CLIP2: variants seen among roughly 807,000 people sequenced by gnomAD.
The protein encoded by CLIP2 is CAP-Gly domain-containing linker protein 2.
CLIP2 carries 41 observed loss-of-function variants against 111.7 expected under a neutral mutation model. The observed-to-expected ratio is 0.37, with a 90% CI of 0.29 to 0.48. The LOEUF is 0.48. CLIP2 is among the 20% of genes least tolerant of loss of function. CLIP2 has a pLI of 0.99. For synonymous variants in CLIP2, 660 were observed against 644.2 expected (o/e 1.02, Z -0.37); for missense variants, 1,160 against 1,422.1 (o/e 0.82, Z 2.96).
At chr7:74,366,330 T>C (rs547632924) in intron 8 of CLIP2, among the ~76,000 whole-genome samples, 2 of 152,224 alleles carry the variant, frequency 1.3e-5, no homozygotes, top group Non-Finnish European at 2.9e-5. Flanking sequence ...AAGGGCTCAG[T>C]CCCAGGTCCG....
At position 74,348,453 on chromosome 7, in the gene CLIP2, TGGGATCAGCCTGGGCAACA is replaced by T. The variant is rs1789865658; in HGVS notation, c.679-5426_679-5408del. Among the ~76,000 whole-genome samples the T allele has an allele frequency of 7.2e-5, 11 of 151,730 alleles. No individual in the cohort carries two copies. In the Admixed American group the frequency reaches 7.3e-4, roughly 10 times the overall value. On this transcript the variant is annotated intron_variant, in intron 3 of 16. Coordinates refer to ENST00000223398, the MANE Select transcript of CLIP2 (RefSeq NM_003388.5). Reference sequence around the variant, plus strand: ...GGAGGATCCCTTGAGCCTAGGAATTTGGGATCAGCCTGGGCAACATACTGAGACCCTGTCTCTTAAAAAA... The same window carrying T: ...GGAGGATCCCTTGAGCCTAGGAATTTTACTGAGACCCTGTCTCTTAAAAAA...
chr7:74,291,699 CCTT>C (rs1235530435), intron 1 of CLIP2, among the ~76,000 whole-genome samples: 2 of 152,264 alleles, frequency 1.3e-5, no homozygotes, highest in South Asian at 2.1e-4. Flanking sequence ...GGCTGTTTGT[CCTT>C]CTTCAGCACC....
chr7:74,399,550 G>A (rs573941732), intron 14 of CLIP2, among the ~76,000 whole-genome samples: 1 of 125,262 alleles, frequency 8.0e-6, no homozygotes. Context: ...TTTGGGGGGG[G>A]GGGGGTGGGG....
chr7:74,355,502 T>C (rs1241859886), intron 4 of CLIP2, among the ~76,000 whole-genome samples: 1 of 152,134 alleles, frequency 6.6e-6, no homozygotes, highest in South Asian at 2.1e-4. Flanking sequence ...TTCAGCTACC[T>C]GGGAGGCTGA....
chr7:74,310,098 C>T (rs1171601119), intron 1 of CLIP2, among the ~76,000 whole-genome samples: 2 of 137,292 alleles, frequency 1.5e-5, no homozygotes, highest in Non-Finnish European at 3.0e-5. Flanking sequence ...GGCGTGATGG[C>T]GCATGCCTGT....
intron 1 of CLIP2, among the ~76,000 whole-genome samples, chr7:74,304,235 A>G (rs1336823464): frequency 1.3e-5 from 2 of 151,760 alleles, no homozygotes; most frequent in Non-Finnish European, 2.9e-5. Flanking sequence ...TTTTAAAAAA[A>G]TGATTAAGAA....
chr7:74,368,225 T>C (rs1790511898), intron 8 of CLIP2, among the ~76,000 whole-genome samples: 1 of 151,560 alleles, frequency 6.6e-6, no homozygotes. Context: ...TCTCAAAAAA[T>C]AAAAAATAAA....
At chr7:74,292,052 G>A (rs547535053) in intron 1 of CLIP2, among the ~76,000 whole-genome samples, 1 of 152,090 alleles carries the variant, frequency 6.6e-6, no homozygotes, top group African/African-American at 2.4e-5. Context: ...CTCCCAAGTA[G>A]TTGGGATTAC....
intron 3 of CLIP2, among the ~76,000 whole-genome samples, chr7:74,344,333 G>C (rs1463895566): frequency 6.6e-6 from 1 of 152,098 alleles, no homozygotes; most frequent in Non-Finnish European, 1.5e-5. Flanking sequence ...TGCATCCTAT[G>C]GTTGAAACAC....
chr7:74,378,565 C>T (rs1387777500), intron 10 of CLIP2, among the ~76,000 whole-genome samples: 2 of 152,050 alleles, frequency 1.3e-5, no homozygotes, highest in Non-Finnish European at 2.9e-5. Context: ...CATAGTTAGA[C>T]CCCATCTCTA....
chr7:74,318,492 C>T (rs1788851098), intron 2 of CLIP2, among the ~76,000 whole-genome samples: 1 of 152,066 alleles, frequency 6.6e-6, no homozygotes, highest in African/African-American at 2.4e-5. Context: ...GTGGAAGGAT[C>T]ACTTGAGGTC....
chr7:74,357,622 T>G, intron 6 of CLIP2, 145 bp downstream of exon 6: 2 of 696,636 alleles, frequency 2.9e-6, no homozygotes. Context: ...TTTCCAGAGA[T>G]AAGCCTCAGT....
intron 2 of CLIP2, among the ~76,000 whole-genome samples, chr7:74,323,293 T>C (rs1789014786): frequency 6.6e-6 from 1 of 151,866 alleles, no homozygotes; most frequent in Non-Finnish European, 1.5e-5. Flanking sequence ...AAATTTTTTG[T>C]AGAAACGGAG....
In CLIP2 at chr7:74,353,005, G is replaced by A. The variant is rs565362878; in HGVS notation, c.679-875G>A. On this transcript the variant is annotated intron_variant, in intron 3 of 16. Coordinates refer to ENST00000223398, the MANE Select transcript of CLIP2 (RefSeq NM_003388.5). The stretch of plus-strand genomic sequence containing the variant: ...CTACAAAAAATTTTTTAAAAACTTA[G>A]CTGGGTATGGTGGCACACACCTATA... Among the ~76,000 whole-genome samples, 11 of 152,088 alleles carry A rather than the reference G, an allele frequency of 7.2e-5. No homozygotes were observed. The East Asian group carries it at 1.4e-3, about 19-fold the overall frequency.
In CLIP2 at chr7:74,299,856, C is replaced by T. The variant is rs545709368; in HGVS notation, c.-68+10122C>T. The stretch of plus-strand genomic sequence containing the variant: ...TAGATTACAGGCATGTGCCCCCATG[C>T]CCGGCTAATTTTGTATTTTTAGTAG... On this transcript the variant is annotated intron_variant, in intron 1 of 16. Transcript: ENST00000223398. 3.3e-5 allele frequency among the ~76,000 whole-genome samples: 5 copies of T among 150,146 alleles called. No homozygotes were observed. In the East Asian group the frequency reaches 9.8e-4, roughly 29 times the overall value.
At chr7:74,390,874 CCT>C (rs1322581822) in intron 13 of CLIP2, among the ~76,000 whole-genome samples, 30 of 151,700 alleles carry the variant, frequency 2.0e-4, no homozygotes, top group African/African-American at 7.3e-4. Flanking sequence ...ATGGCGAAAC[CCT>C]GTCTCTACTA....
At chr7:74,319,073 T>C (rs1365897295) in intron 2 of CLIP2, among the ~76,000 whole-genome samples, 1 of 152,088 alleles carries the variant, frequency 6.6e-6, no homozygotes, top group African/African-American at 2.4e-5. Context: ...AGGCCCAGGC[T>C]CTGCTCTAGG....
At chr7:74,356,333 A>T (rs905009713) in intron 4 of CLIP2, 77 bp from the exon 5 acceptor site, 2 of 1,194,862 alleles carry the variant, frequency 1.7e-6, no homozygotes, top group Admixed American at 3.4e-5. Context: ...CCAGGCTCTG[A>T]AGAGGCAGAG....
chr7:74,330,125 C>T (rs1422322834), intron 2 of CLIP2, among the ~76,000 whole-genome samples: 5 of 151,442 alleles, frequency 3.3e-5, no homozygotes, highest in Non-Finnish European at 5.9e-5. Flanking sequence ...GATGAGATCT[C>T]TCTATGTTGC....
Sources: allele counts gnomAD v4.1 joint callset (sites outside exome capture counted in the v4.1 genomes callset), GRCh38; gene constraint gnomAD v4.1.1; transcripts MANE v1.5; gene names NCBI Gene and HGNC (gene_info 2026-07-23, HGNC 2026-07-21).